Variants in MKLN1 observed in about 807,000 individuals in gnomAD.
The protein encoded by MKLN1 is muskelin.
A neutral mutation model predicts 99.0 loss-of-function variants in MKLN1; 18 were observed. That is an observed-to-expected ratio of 0.18 (90% CI 0.13 to 0.27). The LOEUF is 0.27. Among genes scored for constraint, MKLN1 ranks in the 10% least tolerant of loss-of-function variants. MKLN1 has a pLI of 1.00. For synonymous variants in MKLN1, 288 were observed against 293.2 expected (o/e 0.98, Z 0.18); for missense variants, 621 against 875.9 (o/e 0.71, Z 3.67).
At position 131,399,291 on chromosome 7, in the gene MKLN1, C is replaced by A. The variant is rs1318381102; in HGVS notation, c.561C>A (p.His187Gln). The A allele has an allele frequency of 6.2e-7, 1 of 1,613,838 alleles. No homozygotes were observed. Among genetic ancestry groups the A allele is most frequent in the Non-Finnish European group, 8.5e-7 (1 of 1,179,938 alleles). Reference sequence around the variant, plus strand: ...TTTGCCTAAAACACTTCAGACAACACAACTATACAGAAGCTTTTGAGTCAC... The same window carrying A: ...TTTGCCTAAAACACTTCAGACAACAAAACTATACAGAAGCTTTTGAGTCAC... ...IRLCLKHFRQ[H>Q]NYTEAFESLQ... Residue 187 changes from histidine to glutamine, a missense_variant, in exon 6 of 18, where the codon CAC (histidine) becomes CAA (glutamine). His to Gln is a conservative substitution (Grantham distance 24). Coordinates refer to ENST00000352689, the MANE Select transcript of MKLN1 (RefSeq NM_013255.5).
chr7:131,327,854 C>T (rs1284118418), upstream of MKLN1: 14 of 1,601,594 alleles, frequency 8.7e-6, no homozygotes, highest in African/African-American at 5.3e-5. Context: ...TCCCCTCCTC[C>T]CGTTCGCTGC....
chr7:131,214,291 T>A (rs770796517), intron 3 of MKLN1, among the ~76,000 whole-genome samples: 1 of 152,152 alleles, frequency 6.6e-6, no homozygotes, highest in Non-Finnish European at 1.5e-5. Context: ...TTGGGATTGG[T>A]TTTGGCACGG....
chr7:131,309,721 A>ATTTGTTTTTT, intron 3 of MKLN1: 1 of 87,544 alleles, frequency 1.1e-5, no homozygotes, highest in Non-Finnish European at 2.1e-5. Context: ...CCACAAGTGG[A>ATTTGTTTTTT]TTTTTTTTTT....
At chr7:131,274,178 G>A (rs976612062) in intron 3 of MKLN1, among the ~76,000 whole-genome samples, 2 of 152,090 alleles carry the variant, frequency 1.3e-5, no homozygotes, top group African/African-American at 2.4e-5. Flanking sequence ...AGTTGGGGAC[G>A]GGGGAGGTCG....
chr7:131,468,357 A>G (rs541178500), intron 15 of MKLN1, among the ~76,000 whole-genome samples: 1 of 152,388 alleles, frequency 6.6e-6, no homozygotes, highest in African/African-American at 2.4e-5. Context: ...GTTTGTGTCT[A>G]TGAATTGGGT....
intron 3 of MKLN1, among the ~76,000 whole-genome samples, chr7:131,254,968 T>G (rs1459644108): frequency 6.6e-6 from 1 of 152,172 alleles, no homozygotes. Flanking sequence ...CATGGCTTAC[T>G]GCAGCCATAA....
chr7:131,429,338 C>G (rs1297055161), intron 9 of MKLN1, among the ~76,000 whole-genome samples, 193 bp downstream of exon 9: 2 of 152,064 alleles, frequency 1.3e-5, no homozygotes, highest in African/African-American at 2.4e-5. Flanking sequence ...GATACACAAC[C>G]AAATCTGTTT....
At chr7:131,247,112 A>C (rs1438312546) in intron 3 of MKLN1, among the ~76,000 whole-genome samples, 2 of 152,230 alleles carry the variant, frequency 1.3e-5, no homozygotes. Flanking sequence ...TTGGTTAAAC[A>C]AACACTATGG....
chr7:131,352,626 A>T (rs1173525959), intron 1 of MKLN1, among the ~76,000 whole-genome samples: 1 of 152,184 alleles, frequency 6.6e-6, no homozygotes, highest in East Asian at 1.9e-4. Context: ...ACATAAATTT[A>T]AAGTAATATC....
intron 3 of MKLN1, among the ~76,000 whole-genome samples, chr7:131,289,573 C>T (rs1191538501): frequency 6.6e-6 from 1 of 152,212 alleles, no homozygotes; most frequent in East Asian, 1.9e-4. Flanking sequence ...AGCAGCACAG[C>T]ATACTTTAGT....
chr7:131,353,757 C>T (rs774045919), intron 1 of MKLN1, among the ~76,000 whole-genome samples: 1 of 149,562 alleles, frequency 6.7e-6, no homozygotes, highest in Non-Finnish European at 1.5e-5. Context: ...TTATATTTTA[C>T]ATTTTCATTC....
chr7:131,197,861 A>G (rs1470535585), intron 2 of MKLN1, among the ~76,000 whole-genome samples: 1 of 151,236 alleles, frequency 6.6e-6, no homozygotes, highest in Non-Finnish European at 1.5e-5. Flanking sequence ...TTTTAAGACA[A>G]TGTCTGGCTC....
At chr7:131,275,511 G>A (rs1378486817) in intron 3 of MKLN1, among the ~76,000 whole-genome samples, 1 of 115,302 alleles carries the variant, frequency 8.7e-6, no homozygotes, top group Admixed American at 1.1e-4. Flanking sequence ...TGCGACTACA[G>A]GCATGCACTA....
At chr7:131,364,137 G>T (rs1275848149) in intron 1 of MKLN1, among the ~76,000 whole-genome samples, 1 of 152,072 alleles carries the variant, frequency 6.6e-6, no homozygotes, top group African/African-American at 2.4e-5. Flanking sequence ...TATAGCTGGA[G>T]ATATTAAAAA....
At chr7:131,399,209 C>T (rs1347916655) in intron 5 of MKLN1, 32 bp from the exon 6 acceptor site, 13 of 1,588,976 alleles carry the variant, frequency 8.2e-6, no homozygotes, top group Non-Finnish European at 1.1e-5. Flanking sequence ...AACCAAATCT[C>T]TTCTTTCCAT....
Position 131,495,784 on chromosome 7 carries a change from A to G in MKLN1, c.*8056A>G, listed in dbSNP as rs998899385. Reference sequence around the variant, plus strand: ...GAACTCTGGGTGTAAAATGTTATCCAGAAGCTATAGGGAGCTGCCTTGCTC... The same window carrying G: ...GAACTCTGGGTGTAAAATGTTATCCGGAAGCTATAGGGAGCTGCCTTGCTC... On this transcript the variant is annotated 3_prime_UTR_variant, in exon 18 of 18. Transcript: ENST00000352689. 1.3e-5 allele frequency: 2 copies of G among 152,232 alleles called. No homozygotes were observed. Among genetic ancestry groups the G allele is most frequent in the Non-Finnish European group, 2.9e-5 (2 of 68,048 alleles). 9.4% of individuals were successfully genotyped at this position (152,232 alleles called of 1,614,324 possible).
intron 3 of MKLN1, among the ~76,000 whole-genome samples, chr7:131,317,582 C>T (rs934877436): frequency 2.0e-5 from 3 of 151,852 alleles, no homozygotes; most frequent in Non-Finnish European, 4.4e-5. Flanking sequence ...ATCATGATGA[C>T]AGGATCAAAT....
chr7:131,150,796 G>C (rs1303718798), intron 2 of MKLN1, among the ~76,000 whole-genome samples: 1 of 151,792 alleles, frequency 6.6e-6, no homozygotes, highest in Non-Finnish European at 1.5e-5. Context: ...ATGATAATCT[G>C]TTCATAGATT....
At chr7:131,456,140 T>C (rs528686263) in intron 12 of MKLN1, among the ~76,000 whole-genome samples, 1 of 152,302 alleles carries the variant, frequency 6.6e-6, no homozygotes, top group African/African-American at 2.4e-5. Context: ...AAACTATTAA[T>C]AGTTTTGCCA....
Sources: allele counts gnomAD v4.1 joint callset (sites outside exome capture counted in the v4.1 genomes callset), GRCh38; gene constraint gnomAD v4.1.1; transcripts MANE v1.5; gene names NCBI Gene and HGNC (gene_info 2026-07-23, HGNC 2026-07-21).